The following SEMA3C variants were observed in gnomAD, a reference collection of about 807,000 sequenced individuals.
SEMA3C encodes the protein semaphorin-3C.
Under a neutral mutation model 89.4 loss-of-function variants are expected in SEMA3C, and 47 were observed. The ratio of observed to expected loss-of-function variants is 0.53; its 90% CI spans 0.42 to 0.67. The LOEUF is 0.67. SEMA3C is among the 30% of genes least tolerant of loss of function. The pLI is 0.00. For synonymous variants in SEMA3C, 310 were observed against 320.2 expected (o/e 0.97, Z 0.34); for missense variants, 839 against 929.1 (o/e 0.90, Z 1.26).
chr7:80,915,200 GT>G, intron 2 of SEMA3C, among the ~76,000 whole-genome samples: 1 of 152,232 alleles, frequency 6.6e-6, no homozygotes, highest in South Asian at 2.1e-4. Context: ...AAAAGTGTGG[GT>G]AGTCTGTAAG....
upstream of SEMA3C, among the ~76,000 whole-genome samples, chr7:80,920,319 A>G (rs192194126): frequency 1.4e-3 from 214 of 152,338 alleles, 1 homozygote; most frequent in African/African-American, 4.9e-3. Flanking sequence ...GGCACAGCCC[A>G]GCAGATGTCA....
At chr7:80,837,199 G>A (rs1018077305) in intron 2 of SEMA3C, among the ~76,000 whole-genome samples, 8 of 151,982 alleles carry the variant, frequency 5.3e-5, no homozygotes, top group Admixed American at 3.9e-4. Flanking sequence ...CACAAACGTC[G>A]GATTAATCAA....
chr7:80,883,112 T>C (rs1268311861), intron 2 of SEMA3C, among the ~76,000 whole-genome samples: 1 of 152,200 alleles, frequency 6.6e-6, no homozygotes, highest in Non-Finnish European at 1.5e-5. Context: ...TATACCTTTA[T>C]ATTTTATCTC....
intron 2 of SEMA3C, among the ~76,000 whole-genome samples, chr7:80,836,846 C>T (rs1012608977): frequency 1.3e-5 from 2 of 152,120 alleles, no homozygotes; most frequent in Non-Finnish European, 2.9e-5. Context: ...AGATTGTGCC[C>T]ATTTCCCCAG....
intron 12 of SEMA3C, among the ~76,000 whole-genome samples, chr7:80,782,425 C>T (rs1253023930): frequency 6.6e-6 from 1 of 152,030 alleles, no homozygotes; most frequent in Non-Finnish European, 1.5e-5. Context: ...GTCAACACAT[C>T]AGGGATATTA....
chr7:80,866,945 T>C (rs775118521), intron 2 of SEMA3C, among the ~76,000 whole-genome samples: 5 of 152,144 alleles, frequency 3.3e-5, no homozygotes, highest in Admixed American at 6.5e-5. Context: ...GAGGCTGAAA[T>C]TGTGGAAACA....
At chr7:80,876,160 G>A (rs981108031) in intron 2 of SEMA3C, among the ~76,000 whole-genome samples, 2 of 152,060 alleles carry the variant, frequency 1.3e-5, no homozygotes, top group Non-Finnish European at 2.9e-5. Flanking sequence ...CAGATAAAAA[G>A]GGACTACTGT....
chr7:80,835,531 T>G (rs918858062), intron 2 of SEMA3C, among the ~76,000 whole-genome samples: 4 of 152,022 alleles, frequency 2.6e-5, no homozygotes, highest in African/African-American at 9.7e-5. Context: ...TGACCCATCC[T>G]CTCCCTGAGG....
intron 2 of SEMA3C, among the ~76,000 whole-genome samples, chr7:80,884,177 A>C (rs1791418027): frequency 6.6e-6 from 1 of 152,214 alleles, no homozygotes; most frequent in Non-Finnish European, 1.5e-5. Context: ...ATGCAGACAG[A>C]TGTAAATGAA....
chr7:80,748,528 C>CA (rs1562856034), intron 17 of SEMA3C, among the ~76,000 whole-genome samples: 2 of 152,024 alleles, frequency 1.3e-5, no homozygotes, highest in African/African-American at 4.8e-5. Flanking sequence ...GAAAACTGAA[C>CA]TTTTTTTTAA....
At chr7:80,905,772 G>T in intron 2 of SEMA3C, 1 of 933,892 alleles carries the variant, frequency 1.1e-6, no homozygotes, top group Non-Finnish European at 1.5e-6. Flanking sequence ...CTTCTTTTAT[G>T]GTATGCAGCA....
chr7:80,803,728 C>G (rs1385042202), intron 8 of SEMA3C, among the ~76,000 whole-genome samples: 2 of 152,018 alleles, frequency 1.3e-5, no homozygotes, highest in African/African-American at 4.8e-5. Flanking sequence ...TGACAACAAT[C>G]AGTTTCTTTA....
chr7:80,867,862 C>T (rs933849355), intron 2 of SEMA3C, among the ~76,000 whole-genome samples: 1 of 152,120 alleles, frequency 6.6e-6, no homozygotes, highest in African/African-American at 2.4e-5. Flanking sequence ...TCAATTGGAA[C>T]TGAGTCTTGG....
intron 2 of SEMA3C, among the ~76,000 whole-genome samples, chr7:80,852,280 C>T (rs1790532123): frequency 6.6e-6 from 1 of 152,180 alleles, no homozygotes; most frequent in Admixed American, 6.5e-5. Context: ...TCAACCCTGA[C>T]CTTATTCATG....
At chr7:80,850,353 C>T (rs1444622314) in intron 2 of SEMA3C, among the ~76,000 whole-genome samples, 1 of 152,020 alleles carries the variant, frequency 6.6e-6, no homozygotes, top group Non-Finnish European at 1.5e-5. Context: ...CATGATAGTT[C>T]TAAAACGGAA....
At chr7:80,769,840 TAGAGCAAGA>T (rs1788385998) in intron 12 of SEMA3C, among the ~76,000 whole-genome samples, 1 of 100,858 alleles carries the variant, frequency 9.9e-6, no homozygotes, top group African/African-American at 4.2e-5. Flanking sequence ...GCCTGGGGGA[TAGAGCAAGA>T]CTCTGTCCCC....
chr7:80,816,847 A>AT (rs1330630932), intron 5 of SEMA3C, among the ~76,000 whole-genome samples: 1 of 152,156 alleles, frequency 6.6e-6, no homozygotes, highest in East Asian at 1.9e-4. Flanking sequence ...AAAGGAGATT[A>AT]TTTTTTTGGA....
intron 2 of SEMA3C, chr7:80,906,015 AAAG>A (rs1281248565): frequency 8.8e-6 from 5 of 568,508 alleles, no homozygotes; most frequent in African/African-American, 2.0e-5. Context: ...GTAGAGAGCA[AAAG>A]AAGGAGAGAC....
chr7:80,830,485 A>C (rs192146444), intron 2 of SEMA3C, among the ~76,000 whole-genome samples: 8 of 152,320 alleles, frequency 5.3e-5, no homozygotes, highest in African/African-American at 1.9e-4. Flanking sequence ...TTAGGGAGCT[A>C]AATCCCTAAA....
Sources: gnomAD v4.1 joint callset for allele counts (sites outside exome capture counted in the v4.1 genomes callset) on GRCh38, gnomAD v4.1.1 for gene constraint, MANE v1.5 for transcripts, NCBI Gene and HGNC (gene_info 2026-07-23, HGNC 2026-07-21) for gene names.